DAB1: variants seen among roughly 807,000 people sequenced by gnomAD.
DAB1 encodes the protein disabled homolog 1.
A neutral mutation model predicts 64.6 loss-of-function variants in DAB1; 15 were observed. That is an observed-to-expected ratio of 0.23 (90% CI 0.16 to 0.36). The LOEUF (loss-of-function observed/expected upper bound fraction) is 0.36, where lower values mean the gene tolerates loss of function less well. Among genes scored for constraint, DAB1 ranks in the 10% least tolerant of loss-of-function variants. The pLI is 1.00. For synonymous variants in DAB1, 235 were observed against 251.9 expected, an observed-to-expected ratio of 0.93 and a Z score of 0.64; for missense variants, 596 against 706.7, an observed-to-expected ratio of 0.84 and a Z score of 1.78.
At chr1:57,456,835 A>C (rs1686613224) in intron 7 of DAB1, among the ~76,000 whole-genome samples, 1 of 152,102 alleles carries the variant, frequency 6.6e-6, no homozygotes. Flanking sequence ...GACCTGTATC[A>C]ACTTGAAAAC....
At chr1:58,224,067 T>C (rs931066065) in intron 4 of DAB1, among the ~76,000 whole-genome samples, 1 of 152,172 alleles carries the variant, frequency 6.6e-6, no homozygotes, top group Non-Finnish European at 1.5e-5. Flanking sequence ...TAAAGGACAA[T>C]TGGGCTCCTT....
chr1:57,327,221 G>A (rs538923013), intron 1 of DAB1, among the ~76,000 whole-genome samples: 14 of 152,164 alleles, frequency 9.2e-5, no homozygotes, highest in African/African-American at 1.2e-4. Context: ...GATTGCAGGC[G>A]TGAGCTACAA....
At chr1:57,886,905 T>C (rs1197271393), upstream of DAB1, among the ~76,000 whole-genome samples, 1 of 152,240 alleles carries the variant, frequency 6.6e-6, no homozygotes, top group Admixed American at 6.5e-5. Flanking sequence ...AGTTTGCAGA[T>C]GTCAGAATTT....
chr1:57,958,612 G>C (rs1040200375), intron 5 of DAB1, among the ~76,000 whole-genome samples: 1 of 152,192 alleles, frequency 6.6e-6, no homozygotes, highest in African/African-American at 2.4e-5. Flanking sequence ...TGTGAAAGCT[G>C]CCATAAACAA....
At chr1:57,657,592 T>C (rs1020919644) in intron 6 of DAB1, among the ~76,000 whole-genome samples, 1 of 152,168 alleles carries the variant, frequency 6.6e-6, no homozygotes, top group Non-Finnish European at 1.5e-5. Flanking sequence ...AGTGACAGCA[T>C]TCATATCTGC....
chr1:57,555,574 TG>T (rs1644978947), intron 7 of DAB1, among the ~76,000 whole-genome samples: 1 of 152,126 alleles, frequency 6.6e-6, no homozygotes, highest in South Asian at 2.1e-4. Flanking sequence ...TAATCAGCAA[TG>T]GTCATTTACA....
chr1:57,971,101 A>C (rs574320372), intron 5 of DAB1, among the ~76,000 whole-genome samples: 1 of 152,318 alleles, frequency 6.6e-6, no homozygotes, highest in Admixed American at 6.5e-5. Context: ...AAACAAAACC[A>C]AGGAGGCATT....
intron 5 of DAB1, among the ~76,000 whole-genome samples, chr1:57,929,676 C>T (rs1857375): frequency 0.36 from 54,629 of 152,028 alleles, 10,586 homozygotes; most frequent in Admixed American, 0.46. Flanking sequence ...TGGGCATCTC[C>T]TTGGCTTCTG....
intron 14 of DAB1, among the ~76,000 whole-genome samples, chr1:57,000,324 G>A (rs1243292024): frequency 1.3e-5 from 2 of 152,052 alleles, no homozygotes; most frequent in African/African-American, 2.4e-5. Flanking sequence ...GATTACAGGT[G>A]TGAGCCACCG....
intron 2 of DAB1, among the ~76,000 whole-genome samples, chr1:57,197,658 T>C (rs907908617): frequency 3.9e-5 from 6 of 152,228 alleles, no homozygotes; most frequent in Admixed American, 3.3e-4. Context: ...ATCCACGGAC[T>C]ACTCAGGAGA....
intron 6 of DAB1, among the ~76,000 whole-genome samples, chr1:57,742,168 A>G (rs1372090647): frequency 6.6e-6 from 1 of 152,144 alleles, no homozygotes; most frequent in Non-Finnish European, 1.5e-5. Flanking sequence ...TCCTCAGCCC[A>G]CTAATGCATT....
intron 1 of DAB1, chr1:57,880,993 A>G (rs1644135271): frequency 6.6e-6 from 1 of 152,182 alleles, no homozygotes; most frequent in South Asian, 2.1e-4. Context: ...AAATAAGAAG[A>G]ATGGAGTTGG....
At chr1:57,636,206 C>T (rs568724595) in intron 7 of DAB1, among the ~76,000 whole-genome samples, 1 of 152,052 alleles carries the variant, frequency 6.6e-6, no homozygotes, top group East Asian at 1.9e-4. Flanking sequence ...GGAAAGGCCA[C>T]GTGAAGCTAC....
intron 4 of DAB1, among the ~76,000 whole-genome samples, chr1:58,236,173 G>C (rs1271796081): frequency 6.9e-6 from 1 of 144,172 alleles, no homozygotes; most frequent in Non-Finnish European, 1.5e-5. Context: ...AATGAGCCAA[G>C]GCCAAGGAGG....
chr1:57,493,488 A>G (rs1292655014), intron 7 of DAB1, among the ~76,000 whole-genome samples: 3 of 152,232 alleles, frequency 2.0e-5, no homozygotes, highest in African/African-American at 7.2e-5. Flanking sequence ...TAAAGGCAGT[A>G]TAGTATTCCA....
At chr1:58,033,242 C>T (rs757309591) in intron 5 of DAB1, among the ~76,000 whole-genome samples, 10 of 152,170 alleles carry the variant, frequency 6.6e-5, no homozygotes, top group Non-Finnish European at 1.3e-4. Flanking sequence ...AAAGTTTGCA[C>T]AAGCTGGCTG....
intron 2 of DAB1, among the ~76,000 whole-genome samples, chr1:57,198,690 C>CACACAG (rs1553155120): frequency 7.1e-6 from 1 of 140,480 alleles, no homozygotes; most frequent in Non-Finnish European, 1.6e-5. Flanking sequence ...CACACACACA[C>CACACAG]CCATCAACTT....
At chr1:57,447,686 C>A (rs1218507784) in intron 7 of DAB1, among the ~76,000 whole-genome samples, 2 of 152,180 alleles carry the variant, frequency 1.3e-5, no homozygotes, top group Non-Finnish European at 2.9e-5. Flanking sequence ...CTAGTGCCTA[C>A]AAAAGAAAAT....
intron 3 of DAB1, among the ~76,000 whole-genome samples, chr1:58,355,119 C>G (rs781188481): frequency 2.6e-5 from 4 of 152,128 alleles, no homozygotes; most frequent in Non-Finnish European, 5.9e-5. Flanking sequence ...GGTTTCTGAT[C>G]TAAAGAGTTC....
Sources: allele counts gnomAD v4.1 joint callset (sites outside exome capture counted in the v4.1 genomes callset), GRCh38; gene constraint gnomAD v4.1.1; transcripts MANE v1.5; gene names NCBI Gene and HGNC (gene_info 2026-07-23, HGNC 2026-07-21).